The following NEMF variants were observed in gnomAD, a reference collection of about 807,000 sequenced individuals.
NEMF encodes the protein ribosome quality control complex subunit NEMF.
In NEMF, 89 loss-of-function variants were observed where a neutral mutation model predicts 162.2. The observed-to-expected ratio is 0.55, with a 90% CI of 0.46 to 0.65. NEMF has a LOEUF of 0.65. Ranked by LOEUF, NEMF falls within the 30% of genes least tolerant of loss-of-function variation. The pLI, the probability that NEMF is intolerant of heterozygous loss-of-function variation, is 0.00. For synonymous variants in NEMF, 421 were observed against 404.5 expected (o/e 1.04, Z -0.49); for missense variants, 1,133 against 1,261.9 (o/e 0.90, Z 1.55).
At chr14:49,828,846 G>T in intron 13 of NEMF, 39 bp from the exon 14 acceptor site, 2 of 1,453,668 alleles carry the variant, frequency 1.4e-6, no homozygotes, top group South Asian at 2.8e-5. Flanking sequence ...TAACGTCAAT[G>T]ACATCACTTT....
At chr14:49,810,167 G>C (rs1566669958) in intron 18 of NEMF, among the ~76,000 whole-genome samples, 1 of 152,028 alleles carries the variant, frequency 6.6e-6, no homozygotes, top group Non-Finnish European at 1.5e-5. Flanking sequence ...AAGAGATCAA[G>C]ACCATCCTGG....
At chr14:49,807,984 G>T (rs188439488) in intron 18 of NEMF, among the ~76,000 whole-genome samples, 1 of 151,982 alleles carries the variant, frequency 6.6e-6, no homozygotes, top group African/African-American at 2.4e-5. Context: ...GGCCATTCAC[G>T]TATCTTTGCA....
At chr14:49,804,195 G>A (rs547562603) in intron 19 of NEMF, among the ~76,000 whole-genome samples, 2 of 151,394 alleles carry the variant, frequency 1.3e-5, no homozygotes, top group African/African-American at 2.4e-5. Context: ...TAGTAGAGAC[G>A]GGGTTTCACC....
Position 49,806,108 on chromosome 14 carries a change from C to T in NEMF, c.1770G>A (p.Leu590=). Residue 590 remains leucine, a synonymous_variant, in exon 19 of 33, where the codon TTG becomes TTA. Transcript: ENST00000298310. ...PTGEPIPPRT[L]TEAGTMALCY... ...AAAGTGCCATTGTGCCAGCTTCAGT[C>T]AAGGTCCGTGGGGGGATGGGTTCTC... The T allele has an allele frequency of 6.2e-7, 1 of 1,612,114 alleles. No homozygotes were observed. Among genetic ancestry groups the T allele is most frequent in the African/African-American group, 1.3e-5 (1 of 74,500 alleles).
chr14:49,800,469 A>G lies in NEMF; in HGVS notation c.2323T>C (p.Leu775=), dbSNP rs371828206. 3.1e-6 allele frequency: 5 copies of G among 1,613,602 alleles called. No individual in the cohort carries two copies. In the African/African-American group the frequency reaches 4.0e-5, roughly 13 times the overall value. The part of the protein sequence containing the change: ...GEMKDEGEET[L]NYPDTTIDLS... The stretch of plus-strand genomic sequence containing the variant: ...TCAATGGTAGTATCAGGATAATTTA[A>G]TGTCTCTTCCCCTTCATCCTTCATT... The change falls in exon 23 of 33, where the codon TTA becomes CTA. Residue 775 remains leucine, a synonymous_variant. Transcript: ENST00000298310.
At chr14:49,838,040 T>C (rs1173256323) in intron 6 of NEMF, 99 bp downstream of exon 6, 2 of 889,394 alleles carry the variant, frequency 2.2e-6, no homozygotes, top group South Asian at 3.5e-5. Flanking sequence ...CAAGGATCAC[T>C]TGTTCAAATT....
In NEMF at chr14:49,800,684, G is replaced by C. The variant is rs1470217099; in HGVS notation, c.2108C>G (p.Thr703Arg). The C allele has an allele frequency of 6.2e-7, 1 of 1,612,940 alleles. No homozygotes were observed. The highest frequency in any genetic ancestry group is 1.7e-5 in the Admixed American group (1 of 59,946). The change falls in exon 23 of 33, where the codon ACG (threonine) becomes AGG (arginine). Residue 703 changes from threonine to arginine, a missense_variant. By Grantham distance (71) the Thr-to-Arg change is moderately conservative. Around this residue, in one of 3 missense-constraint regions of NEMF, gnomAD observed 532 missense variants for 578.6 expected, o/e 0.92. Transcript: ENST00000298310. ...TTCTTCTTTATCCTCATCACTGCTC[G>C]TGTCACCTCCATCTGTAGAATTATC... ...EEMEQLDGGD[T>R]SSDEDKEEHE...
At position 49,838,178 on chromosome 14, in the gene NEMF, T is replaced by C; in HGVS notation, c.535A>G (p.Lys179Glu). 1 of 1,613,992 alleles carries C rather than the reference T, an allele frequency of 6.2e-7. No homozygotes were observed. Among genetic ancestry groups the C allele is most frequent in the Non-Finnish European group, 8.5e-7 (1 of 1,179,896 alleles). Reference sequence around the variant, plus strand: ...AGCACCCTCTTCAGTAGTTCACCCTTAGGTGCGCTGGCTACTATTTCAGTC... The same window carrying C: ...AGCACCCTCTTCAGTAGTTCACCCTCAGGTGCGCTGGCTACTATTTCAGTC... ...RLTEIVASAPKGELLKRVLNP... is the reference protein window; with the variant it reads ...RLTEIVASAPEGELLKRVLNP... The change falls in exon 6 of 33, where the codon AAG becomes GAG. Residue 179 changes from lysine (K) to glutamate (E), a missense_variant. Physicochemically the swap from Lys to Glu is moderately conservative, Grantham distance 56. Coordinates refer to ENST00000298310, the MANE Select transcript of NEMF (RefSeq NM_004713.6).
chr14:49,814,320 C>T (rs1891622150), intron 17 of NEMF, among the ~76,000 whole-genome samples: 1 of 152,012 alleles, frequency 6.6e-6, no homozygotes, highest in South Asian at 2.1e-4. Flanking sequence ...CCAGGCTGTT[C>T]TTGAACTCCT....
chr14:49,846,406 GATTGCAGA>G lies in NEMF; in HGVS notation c.232-149_232-142del. Reference sequence around the variant, plus strand: ...ATAACAGTATAGTCATAAAGTAATAGATTGCAGATGATAATCAGAGGGAAAACATTTTA... The same window carrying G: ...ATAACAGTATAGTCATAAAGTAATAGTGATAATCAGAGGGAAAACATTTTA... On this transcript the variant is annotated intron_variant, in intron 3 of 32. Transcript: ENST00000298310. 4.3e-6 allele frequency: 3 copies of G among 694,832 alleles called. No individual in the cohort carries two copies. In the South Asian group the frequency reaches 5.7e-5, roughly 13 times the overall value. 43.0% of individuals were successfully genotyped at this position (694,832 alleles called of 1,614,324 possible).
chr14:49,811,490 T>C (rs1210410817), intron 18 of NEMF, among the ~76,000 whole-genome samples: 1 of 152,160 alleles, frequency 6.6e-6, no homozygotes, highest in South Asian at 2.1e-4. Context: ...TAAATAGAAA[T>C]GGCAAGAACA....
chr14:49,830,042 T>C (rs1207103506), intron 11 of NEMF, among the ~76,000 whole-genome samples: 1 of 152,246 alleles, frequency 6.6e-6, no homozygotes. Flanking sequence ...ATGGTAGTTA[T>C]TTGGCATTTT....
chr14:49,785,055 GTTTAAAATCATAATTCAAAAAAACAAA>G lies in NEMF; in HGVS notation c.3073+10_3073+36del, dbSNP rs1890101230. ...TAATCTACTGTTAAGTCACTGAACT[GTTTAAAATCATAATTCAAAAAAACAAA>G]TTTAAATACCTTTTCCCTTTTTCTG... On this transcript the variant is annotated intron_variant, in intron 31 of 32. Transcript: ENST00000298310. The G allele has an allele frequency of 6.2e-7, 1 of 1,606,662 alleles. No homozygotes were observed. The highest frequency in any genetic ancestry group is 8.5e-7 in the Non-Finnish European group (1 of 1,173,740).
At chr14:49,845,776 GCA>G (rs1405431167) in intron 4 of NEMF, among the ~76,000 whole-genome samples, 1 of 152,208 alleles carries the variant, frequency 6.6e-6, no homozygotes, top group Non-Finnish European at 1.5e-5. Context: ...ACGTTTATAT[GCA>G]GTCTGTTGTT....
At chr14:49,813,159 C>T (rs1458633250) in intron 18 of NEMF, among the ~76,000 whole-genome samples, 1 of 152,158 alleles carries the variant, frequency 6.6e-6, no homozygotes, top group Non-Finnish European at 1.5e-5. Flanking sequence ...CACCCCAAAC[C>T]TGAAAATCCA....
At chr14:49,850,113 T>G (rs1350428551) in intron 3 of NEMF, among the ~76,000 whole-genome samples, 1 of 150,568 alleles carries the variant, frequency 6.6e-6, no homozygotes, top group Non-Finnish European at 1.5e-5. Flanking sequence ...GTGCCTTTCT[T>G]TTTTTTTTAG....
In NEMF at chr14:49,840,763, G is replaced by A; in HGVS notation, c.461C>T (p.Pro154Leu). Reference protein sequence around the residue: ...DVKFAVRERYPLDHARAAEPL... With the variant: ...DVKFAVRERYLLDHARAAEPL... ...TTCAGCAGCTCTAGCATGATCAAGTGGATAGCGTTCACGAACAGCAAATTT... is the reference window on the plus strand; with the variant it reads ...TTCAGCAGCTCTAGCATGATCAAGTAGATAGCGTTCACGAACAGCAAATTT... Residue 154 changes from proline to leucine, a missense_variant, in exon 5 of 33, where the codon CCA (proline) becomes CTA (leucine). Coordinates refer to ENST00000298310, the MANE Select transcript of NEMF (RefSeq NM_004713.6). 6.2e-7 allele frequency: 1 copy of A among 1,613,980 alleles called. No individual in the cohort carries two copies. Among genetic ancestry groups the A allele is most frequent in the Non-Finnish European group, 8.5e-7 (1 of 1,179,968 alleles).
chr14:49,851,792 A>G lies in NEMF; in HGVS notation c.128+15T>C. The G allele has an allele frequency of 1.3e-6, 2 of 1,509,080 alleles. No homozygotes were observed. The highest frequency in any genetic ancestry group is 2.3e-5 in the South Asian group (2 of 85,660). 93.5% of individuals were successfully genotyped at this position (1,509,080 alleles called of 1,614,324 possible). ...TAATTGTCAAAGAGAAAATAAGCCT[A>G]TAAAATGTTCTTACTTTTGAAGACG... On this transcript the variant is annotated intron_variant, in intron 2 of 32. Transcript: ENST00000298310.
At chr14:49,788,276 C>CAAAAAAA (rs35896786) in intron 28 of NEMF, among the ~76,000 whole-genome samples, 34 of 78,462 alleles carry the variant, frequency 4.3e-4, no homozygotes, top group South Asian at 5.0e-4. Flanking sequence ...AAGACTGCCT[C>CAAAAAAA]AAAAAAAAAA....
Sources: allele counts gnomAD v4.1 joint callset (sites outside exome capture counted in the v4.1 genomes callset), GRCh38; gene constraint gnomAD v4.1.1; regional missense constraint gnomAD v4.1.1; transcripts MANE v1.5; gene names NCBI Gene and HGNC (gene_info 2026-07-23, HGNC 2026-07-21).